FIG4: variants seen among roughly 807,000 people sequenced by gnomAD.
FIG4 encodes polyphosphoinositide phosphatase.
FIG4 carries 112 observed loss-of-function variants against 118.6 expected under a neutral mutation model. The ratio of observed to expected loss-of-function variants is 0.94; its 90% CI spans 0.81 to 1.11. The LOEUF (loss-of-function observed/expected upper bound fraction) is 1.11, where lower values mean the gene tolerates loss of function less well. Among genes scored for constraint, FIG4 ranks in the 50% least tolerant of loss-of-function variants. The pLI is 0.00. For missense variants in FIG4, 969 were observed against 1,111.7 expected, an observed-to-expected ratio of 0.87 and a Z score of 1.83; for synonymous variants, 369 against 381.2, an observed-to-expected ratio of 0.97 and a Z score of 0.37.
rs2128397245 is a variant in FIG4, at chr6:109,791,399, C to G, written c.2204C>G (p.Ala735Gly). The change falls in exon 20 of 23, where the codon GCT becomes GGT. Residue 735 changes from alanine (A) to glycine (G), a missense_variant. Transcript: ENST00000230124. ...VLGNKSNREE[A>G]VLQRKTAASA... ...AGAAACAAAAGCAATAGAGAAGAAGCTGTATTACAGCGGAAAACGGCAGCC... is the reference window on the plus strand; with the variant it reads ...AGAAACAAAAGCAATAGAGAAGAAGGTGTATTACAGCGGAAAACGGCAGCC... 6.2e-7 allele frequency: 1 copy of G among 1,613,262 alleles called. No individual in the cohort carries two copies. Among genetic ancestry groups the G allele is most frequent in the Non-Finnish European group, 8.5e-7 (1 of 1,179,954 alleles).
At position 109,696,432 on chromosome 6, in the gene FIG4, A is replaced by G. The variant is rs73535308; in HGVS notation, c.66+4931A>G. ...GAAATCAGTATGTCAAAGACATATC[A>G]GCACCTCCATGTTTATTGTAGCACT... On this transcript the variant is annotated intron_variant, in intron 1 of 22. Coordinates refer to ENST00000230124, the MANE Select transcript of FIG4 (RefSeq NM_014845.6). 8.1e-3 allele frequency among the ~76,000 whole-genome samples: 1,234 copies of G among 152,356 alleles called. 27 individuals carry two copies. Among genetic ancestry groups the G allele is most frequent in the African/African-American group, 0.026 (1,094 of 41,568 alleles).
At position 109,791,446 on chromosome 6, in the gene FIG4, G is replaced by A. The variant is rs2128397269; in HGVS notation, c.2251G>A (p.Glu751Lys). 4 of 1,613,848 alleles carry A rather than the reference G, an allele frequency of 2.5e-6. No individual in the cohort carries two copies. Among genetic ancestry groups the A allele is most frequent in the Non-Finnish European group, 3.4e-6 (4 of 1,180,002 alleles). The change falls in exon 20 of 23, where the codon GAG becomes AAG. Residue 751 changes from glutamate to lysine, a missense_variant. By Grantham distance (56) the Glu-to-Lys change is moderately conservative (BLOSUM62 1). Coordinates refer to ENST00000230124, the MANE Select transcript of FIG4 (RefSeq NM_014845.6). ...AGCCAGCGCCCCGCCGCCCCCCAGCGAGGAGGCTGTGTCCAGCAGCTCTGA... is the reference window on the plus strand; with the variant it reads ...AGCCAGCGCCCCGCCGCCCCCCAGCAAGGAGGCTGTGTCCAGCAGCTCTGA... The part of the protein sequence containing the change: ...TAASAPPPPS[E>K]EAVSSSSEDD...
intron 10 of FIG4, among the ~76,000 whole-genome samples, chr6:109,753,045 C>A (rs1210543309): frequency 6.6e-6 from 1 of 152,124 alleles, no homozygotes; most frequent in Non-Finnish European, 1.5e-5. Context: ...CCATTTTCAG[C>A]TTTCTACATA....
At position 109,752,009 on chromosome 6, in the gene FIG4, C is replaced by A. The variant is rs1218238243; in HGVS notation, c.1137+8237C>A. 2.7e-5 allele frequency among the ~76,000 whole-genome samples: 3 copies of A among 112,618 alleles called. No homozygotes were observed. In the South Asian group the frequency reaches 9.3e-4, roughly 35 times the overall value. The allele number at this position is 112,618 out of a possible 152,430, so 73.9% of individuals were successfully genotyped here. A position where few individuals can be genotyped will look rare whatever the true frequency, so the allele number is the denominator to read the frequency against. On this transcript the variant is annotated intron_variant, in intron 10 of 22. Coordinates refer to ENST00000230124, the MANE Select transcript of FIG4 (RefSeq NM_014845.6). ...CCCCCTCCCCCCACCCCACAACAGT[C>A]CCCAGAGTGTGATGTTCCCCTTCCT... is the stretch of plus-strand genomic sequence containing the variant.
At chr6:109,810,418 G>A (rs1438158587) in intron 22 of FIG4, among the ~76,000 whole-genome samples, 6 of 152,126 alleles carry the variant, frequency 3.9e-5, no homozygotes, top group Admixed American at 2.0e-4. Context: ...TGTCCAGGTC[G>A]TGGCTGCCTT....
In FIG4 at chr6:109,715,168, G is replaced by A. The variant is rs121908290; in HGVS notation, c.157G>A (p.Asp53Asn). 3 of 1,580,972 alleles carry A rather than the reference G, an allele frequency of 1.9e-6. No homozygotes were observed. The highest frequency in any genetic ancestry group is 1.7e-4 in the Middle Eastern group (1 of 5,992). The change falls in exon 2 of 23, where the codon GAT (aspartate) becomes AAT (asparagine). Residue 53 changes from aspartate to asparagine, a missense_variant. Around this residue, in one of 3 missense-constraint regions of FIG4, gnomAD observed 393 missense variants for 409.4 expected, o/e 0.96. Coordinates refer to ENST00000230124, the MANE Select transcript of FIG4 (RefSeq NM_014845.6). ...RTEPKDLVII[D>N]DRHVYTQQEV... ...AGAACCAAAAGATTTGGTCATAATT[G>A]ATGACAGGGTAAGTATCCTCCAAAC...
At chr6:109,736,039 G>A (rs1776150453) in intron 6 of FIG4, among the ~76,000 whole-genome samples, 1 of 152,070 alleles carries the variant, frequency 6.6e-6, no homozygotes, top group Non-Finnish European at 1.5e-5. Flanking sequence ...GTCTAGCACT[G>A]TAAAGCTAGA....
intron 3 of FIG4, among the ~76,000 whole-genome samples, chr6:109,720,928 T>C (rs1489167631): frequency 6.6e-6 from 1 of 152,202 alleles, no homozygotes; most frequent in Non-Finnish European, 1.5e-5. Flanking sequence ...TGAGCATCCA[T>C]CACTAAGTTG....
In FIG4 at chr6:109,738,307, C is replaced by A. The variant is rs2273752; in HGVS notation, c.647-18C>A. 0.37 allele frequency: 591,261 copies of A among 1,579,074 alleles called. 113,384 individuals are homozygous for A. Among genetic ancestry groups the A allele is most frequent in the South Asian group, 0.44 (40,102 of 90,262 alleles). On this transcript the variant is annotated intron_variant, in intron 6 of 22. Coordinates refer to ENST00000230124, the MANE Select transcript of FIG4 (RefSeq NM_014845.6). ...TATTTTGTGTATTTATGGACTGATA[C>A]AGACTTTTATTTTTCAGGGGTATTT... is the stretch of plus-strand genomic sequence containing the variant.
At chr6:109,815,495 G>GGGGGGGGCCCCCCC in intron 22 of FIG4, among the ~76,000 whole-genome samples, 1 of 89,246 alleles carries the variant, frequency 1.1e-5, no homozygotes, top group African/African-American at 3.5e-5. Context: ...ACTCCAGGCT[G>GGGGGGGGCCCCCCC]CCCCCCCCAC....
chr6:109,710,909 T>TCA (rs34915199), intron 1 of FIG4, among the ~76,000 whole-genome samples: 13,704 of 149,476 alleles, frequency 0.092, 898 homozygotes, highest in East Asian at 0.24. Context: ...TATTAGTTTT[T>TCA]AAAAAAAAAA....
intron 1 of FIG4, among the ~76,000 whole-genome samples, chr6:109,707,289 ATATG>A (rs978075504): frequency 1.4e-4 from 20 of 145,162 alleles, no homozygotes; most frequent in African/African-American, 4.6e-4. Flanking sequence ...GTATATATAT[ATATG>A]TGTGTGTGTG....
At chr6:109,760,218 A>G (rs776964300) in intron 10 of FIG4, 32 bp from the exon 11 acceptor site, 1 of 1,594,328 alleles carries the variant, frequency 6.3e-7, no homozygotes, top group East Asian at 2.2e-5. Flanking sequence ...TAAGGAAATT[A>G]GAACACTGAA....
intron 3 of FIG4, among the ~76,000 whole-genome samples, chr6:109,724,580 C>G (rs1775731204): frequency 6.6e-6 from 1 of 152,072 alleles, no homozygotes; most frequent in Non-Finnish European, 1.5e-5. Context: ...GTAGCTTCTC[C>G]AAGTAGTGGT....
intron 8 of FIG4, 45 bp from the exon 9 acceptor site, chr6:109,743,065 A>G: frequency 6.6e-7 from 1 of 1,506,578 alleles, no homozygotes; most frequent in Non-Finnish European, 9.2e-7. Flanking sequence ...TTCATTAAAC[A>G]TTTCTAATAA....
intron 10 of FIG4, among the ~76,000 whole-genome samples, chr6:109,750,238 T>C (rs1390608486): frequency 6.6e-6 from 1 of 152,230 alleles, no homozygotes; most frequent in East Asian, 1.9e-4. Flanking sequence ...TCAATGCTGC[T>C]ACTGTATCAA....
chr6:109,824,992 C>A, intron 22 of FIG4, 96 bp from the exon 23 acceptor site: 1 of 1,158,214 alleles, frequency 8.6e-7, no homozygotes, highest in Non-Finnish European at 1.3e-6. Flanking sequence ...CCTGCTTATT[C>A]AATGCCAGCG....
chr6:109,798,816 C>CTTTTTT (rs34921960), intron 22 of FIG4, among the ~76,000 whole-genome samples: 1 of 148,502 alleles, frequency 6.7e-6, no homozygotes, highest in Admixed American at 6.7e-5. Context: ...TTTTTTTCCT[C>CTTTTTT]TTTTTTTTTT....
At chr6:109,767,688 G>A (rs1777322179) in intron 15 of FIG4, among the ~76,000 whole-genome samples, 1 of 152,168 alleles carries the variant, frequency 6.6e-6, no homozygotes, top group African/African-American at 2.4e-5. Flanking sequence ...GGCTAACATG[G>A]TGAAACCCCG....
Sources: allele counts gnomAD v4.1 joint callset (sites outside exome capture counted in the v4.1 genomes callset), GRCh38; gene constraint gnomAD v4.1.1; regional missense constraint gnomAD v4.1.1; transcripts MANE v1.5; gene names NCBI Gene and HGNC (gene_info 2026-07-23, HGNC 2026-07-21).